The following DGKI variants were observed in gnomAD, a reference collection of about 807,000 sequenced individuals.
The protein encoded by DGKI is diacylglycerol kinase iota.
DGKI carries 55 observed loss-of-function variants against 147.5 expected under a neutral mutation model. The observed-to-expected ratio is 0.37, with a 90% CI of 0.30 to 0.47. DGKI has a LOEUF of 0.47. Ranked by LOEUF, DGKI falls within the 20% of genes least tolerant of loss-of-function variation. The pLI, the probability that DGKI is intolerant of heterozygous loss-of-function variation, is 1.00. For synonymous variants in DGKI, 469 were observed against 477.1 expected, an observed-to-expected ratio of 0.98 and a Z score of 0.22; for missense variants, 1,007 against 1,323.8, an observed-to-expected ratio of 0.76 and a Z score of 3.71.
chr7:137,552,054 G>A (rs1251366766), intron 20 of DGKI, among the ~76,000 whole-genome samples: 7 of 152,150 alleles, frequency 4.6e-5, no homozygotes, highest in Non-Finnish European at 1.0e-4. Flanking sequence ...GCATTTACCT[G>A]AACACGGTTT....
At chr7:137,638,482 ATATATACACACATATATATG>A (rs1563125265) in intron 6 of DGKI, among the ~76,000 whole-genome samples, 1 of 126,076 alleles carries the variant, frequency 7.9e-6, no homozygotes, top group Non-Finnish European at 1.6e-5. Flanking sequence ...ATGTGTGTAT[ATATATACACACATATATATG>A]TATATATATG....
At chr7:137,666,496 C>T (rs988397098) in intron 3 of DGKI, among the ~76,000 whole-genome samples, 13 of 152,312 alleles carry the variant, frequency 8.5e-5, no homozygotes, top group East Asian at 3.9e-4. Flanking sequence ...GTGACTATCG[C>T]GTACTGCCAC....
intron 27 of DGKI, among the ~76,000 whole-genome samples, chr7:137,452,559 T>C (rs1021080464): frequency 4.6e-5 from 7 of 152,198 alleles, no homozygotes; most frequent in Non-Finnish European, 1.0e-4. Flanking sequence ...AACAACTCAC[T>C]ATATGCGTAT....
intron 3 of DGKI, among the ~76,000 whole-genome samples, chr7:137,663,243 AG>A (rs1822509811): frequency 6.6e-6 from 1 of 152,210 alleles, no homozygotes; most frequent in South Asian, 2.1e-4. Flanking sequence ...AAGCTACTTG[AG>A]GAGACAAGAG....
intron 1 of DGKI, among the ~76,000 whole-genome samples, chr7:137,776,646 G>C (rs1397089092): frequency 6.6e-6 from 1 of 152,160 alleles, no homozygotes. Flanking sequence ...TTTTCATTTT[G>C]TATTATCTAT....
intron 28 of DGKI, among the ~76,000 whole-genome samples, chr7:137,440,161 A>G: frequency 6.6e-6 from 1 of 152,188 alleles, no homozygotes; most frequent in East Asian, 1.9e-4. Flanking sequence ...CATTCAATAC[A>G]GAGGAAATGC....
At chr7:137,783,595 T>C (rs922301919) in intron 1 of DGKI, among the ~76,000 whole-genome samples, 1 of 152,132 alleles carries the variant, frequency 6.6e-6, no homozygotes, top group African/African-American at 2.4e-5. Context: ...TTGCTAGAGA[T>C]CTAGACATCC....
intron 21 of DGKI, among the ~76,000 whole-genome samples, chr7:137,521,302 C>G (rs1437907454): frequency 1.3e-5 from 2 of 152,046 alleles, no homozygotes; most frequent in African/African-American, 4.8e-5. Context: ...ACAGAAAATA[C>G]AAACTTTGAG....
intron 6 of DGKI, among the ~76,000 whole-genome samples, chr7:137,625,060 T>A (rs1820886569): frequency 6.6e-6 from 1 of 152,240 alleles, no homozygotes. Context: ...CAGACTCTCC[T>A]GGGTTTTGAA....
chr7:137,645,434 G>A (rs750660796), intron 6 of DGKI, 38 bp downstream of exon 6: 2 of 1,591,586 alleles, frequency 1.3e-6, no homozygotes, highest in Non-Finnish European at 1.7e-6. Flanking sequence ...GAGGCCTGGG[G>A]AGCCTCCTGC....
rs138226449 is a variant in DGKI at position 137,462,431 on chromosome 7, GA to G, written c.2735+1057del. 3.1e-3 allele frequency among the ~76,000 whole-genome samples: 474 copies of G among 152,266 alleles called. 6 individuals are homozygous for G. Among genetic ancestry groups the G allele is most frequent in the African/African-American group, 0.011 (452 of 41,556 alleles). ...TTGTTCCTTTCCCGTCTTCACACAA[GA>G]AAATAAGAGGTAATACAGAGAAGCA... On this transcript the variant is annotated intron_variant, in intron 27 of 32. Transcript: ENST00000614521.
chr7:137,424,841 C>A (rs1490309918), intron 28 of DGKI, among the ~76,000 whole-genome samples: 1 of 152,218 alleles, frequency 6.6e-6, no homozygotes, highest in Non-Finnish European at 1.5e-5. Context: ...GGGGGAGGGG[C>A]ACCCGCCATT....
intron 1 of DGKI, among the ~76,000 whole-genome samples, chr7:137,720,362 A>G (rs1472335580): frequency 7.2e-6 from 1 of 139,152 alleles, no homozygotes; most frequent in African/African-American, 2.7e-5. Context: ...GGTTCACACC[A>G]TTCTCCTGCC....
rs150521649 is a variant in DGKI at position 137,843,534 on chromosome 7, G to C, written c.401+2928C>G. On this transcript the variant is annotated intron_variant, in intron 1 of 32. Transcript: ENST00000614521. ...AAGCCAACACAGAATAGATAATGAG[G>C]GGAAATCTAGGAGTACAGAAAGCAG... 3 of 483,632 alleles carry C rather than the reference G, an allele frequency of 6.2e-6. No individual in the cohort carries two copies. In the African/African-American group the frequency reaches 6.4e-5, roughly 10 times the overall value. 30.0% of individuals were successfully genotyped at this position (483,632 alleles called of 1,614,324 possible).
intron 28 of DGKI, among the ~76,000 whole-genome samples, chr7:137,416,661 T>C (rs1812372928): frequency 6.6e-6 from 1 of 152,118 alleles, no homozygotes; most frequent in African/African-American, 2.4e-5. Context: ...TCAGTGTGAG[T>C]CTGCTTCCCC....
chr7:137,652,376 T>G (rs1294350354), intron 5 of DGKI, among the ~76,000 whole-genome samples: 1 of 152,178 alleles, frequency 6.6e-6, no homozygotes, highest in Non-Finnish European at 1.5e-5. Flanking sequence ...TGCCTCCACA[T>G]TGACCTATCA....
rs1468845181 is a variant in DGKI, at chr7:137,407,760, C to A, written c.2920+115G>T. ...GCAGGGGCAGAGTCTGCTAAAAGTT[C>A]GAGAGTATTTCTGCCATTCTGAAAA... On this transcript the variant is annotated intron_variant, in intron 30 of 32. Coordinates refer to ENST00000614521, the MANE Select transcript of DGKI (RefSeq NM_001321708.2). 5 of 1,376,756 alleles carry A rather than the reference C, an allele frequency of 3.6e-6. No individual in the cohort carries two copies. In the East Asian group the frequency reaches 9.2e-5, roughly 25 times the overall value. The allele number at this position is 1,376,756 out of a possible 1,614,324, so 85.3% of individuals were successfully genotyped here.
chr7:137,654,199 T>TA (rs59159371), intron 5 of DGKI, among the ~76,000 whole-genome samples: 28,475 of 152,112 alleles, frequency 0.19, 8,140 homozygotes, highest in African/African-American at 0.62. Flanking sequence ...TGTATTTATT[T>TA]TTTACTTAAC....
intron 27 of DGKI, among the ~76,000 whole-genome samples, chr7:137,459,823 T>C (rs1201667975): frequency 2.0e-5 from 3 of 152,140 alleles, no homozygotes; most frequent in Non-Finnish European, 4.4e-5. Context: ...CTCCTTGTCA[T>C]TGATTTCTCT....
Sources: allele counts gnomAD v4.1 joint callset (sites outside exome capture counted in the v4.1 genomes callset), GRCh38; gene constraint gnomAD v4.1.1; transcripts MANE v1.5; gene names NCBI Gene and HGNC (gene_info 2026-07-23, HGNC 2026-07-21).